The following CCDC178 variants were observed in gnomAD, a reference collection of about 807,000 sequenced individuals.
CCDC178 encodes coiled-coil domain-containing protein 178.
In CCDC178, 126 loss-of-function variants were observed where a neutral mutation model predicts 117.4. The observed-to-expected ratio is 1.07, with a 90% confidence interval of 0.93 to 1.24. The LOEUF (loss-of-function observed/expected upper bound fraction) is 1.24, where lower values mean the gene tolerates loss of function less well. Among genes scored for constraint, CCDC178 ranks in the 50% most tolerant of loss-of-function variants. CCDC178 has a pLI of 0.00. For missense variants in CCDC178, 1,030 were observed against 986.9 expected, an observed-to-expected ratio of 1.04 and a Z score of -0.59; for synonymous variants, 283 against 313.4, an observed-to-expected ratio of 0.90 and a Z score of 1.02.
intron 21 of CCDC178, among the ~76,000 whole-genome samples, chr18:33,026,363 GT>G (rs1170849564): frequency 6.6e-6 from 1 of 152,010 alleles, no homozygotes; most frequent in Admixed American, 6.6e-5. Flanking sequence ...GGGAAAGTGA[GT>G]AAAGAATACA....
chr18:33,044,028 T>TACACAC (rs143760952), intron 21 of CCDC178, among the ~76,000 whole-genome samples: 15 of 150,770 alleles, frequency 9.9e-5, no homozygotes, highest in South Asian at 8.4e-4. Flanking sequence ...ACAATATATA[T>TACACAC]ACACACACAC....
chr18:33,220,713 G>T (rs1029318114), intron 18 of CCDC178, among the ~76,000 whole-genome samples: 1 of 152,106 alleles, frequency 6.6e-6, no homozygotes, highest in Non-Finnish European at 1.5e-5. Flanking sequence ...ATTAATAAAT[G>T]ACGTTGATAA....
chr18:33,293,110 A>G, intron 12 of CCDC178, 49 bp downstream of exon 12: 1 of 1,321,990 alleles, frequency 7.6e-7, no homozygotes, highest in Middle Eastern at 2.5e-4. Context: ...TACTATTTAT[A>G]ACTCAAAACA....
intron 6 of CCDC178, among the ~76,000 whole-genome samples, chr18:33,364,831 A>G (rs2063179326): frequency 6.6e-6 from 1 of 151,014 alleles, no homozygotes; most frequent in Non-Finnish European, 1.5e-5. Context: ...ACAGACTACT[A>G]GAAAAATTTC....
chr18:33,293,344 C>A (rs762968731), intron 11 of CCDC178, 32 bp from the exon 12 acceptor site: 5 of 1,302,986 alleles, frequency 3.8e-6, no homozygotes, highest in Admixed American at 4.3e-5. Context: ...ATTTTATTCA[C>A]ATTAAAAGAA....
At chr18:33,315,803 A>G (rs2062406492) in intron 11 of CCDC178, among the ~76,000 whole-genome samples, 1 of 152,266 alleles carries the variant, frequency 6.6e-6, no homozygotes, top group Non-Finnish European at 1.5e-5. Context: ...TTTACTAAAC[A>G]GACCCAGATT....
intron 6 of CCDC178, among the ~76,000 whole-genome samples, chr18:33,357,001 T>C (rs1188692613): frequency 6.7e-6 from 1 of 148,952 alleles, no homozygotes; most frequent in Admixed American, 6.6e-5. Flanking sequence ...ACAAGAACTT[T>C]GGCTTTTTTT....
chr18:33,142,070 A>G (rs2058212804), intron 20 of CCDC178, among the ~76,000 whole-genome samples: 1 of 152,178 alleles, frequency 6.6e-6, no homozygotes, highest in Non-Finnish European at 1.5e-5. Context: ...CTATAGTTAA[A>G]TAGGTGTTTG....
At position 33,056,829 on chromosome 18, in the gene CCDC178, T is replaced by C. The variant is rs539584207; in HGVS notation, c.2388+35932A>G. Among the ~76,000 whole-genome samples the C allele has an allele frequency of 2.0e-5, 3 of 152,252 alleles. No homozygotes were observed. The East Asian group carries it at 5.8e-4, about 29-fold the overall frequency. On this transcript the variant is annotated intron_variant, in intron 21 of 22. Transcript: ENST00000383096. ...CGTATTGTGAGTATACTTTTCCAGTTTATAGACCATTATGTGCAGGATGAG... is the reference window on the plus strand; with the variant it reads ...CGTATTGTGAGTATACTTTTCCAGTCTATAGACCATTATGTGCAGGATGAG...
intron 21 of CCDC178, among the ~76,000 whole-genome samples, chr18:33,020,542 G>C (rs1406004813): frequency 6.6e-6 from 1 of 152,058 alleles, no homozygotes; most frequent in Non-Finnish European, 1.5e-5. Flanking sequence ...AGCCCACTTT[G>C]CTTTTGTTTT....
chr18:33,102,478 G>T (rs1180137601), intron 20 of CCDC178, among the ~76,000 whole-genome samples: 1 of 149,886 alleles, frequency 6.7e-6, no homozygotes, highest in Non-Finnish European at 1.5e-5. Context: ...TTCAGGGTCA[G>T]AAAACATTAG....
intron 2 of CCDC178, among the ~76,000 whole-genome samples, chr18:33,414,748 T>C (rs915059268): frequency 6.6e-6 from 1 of 152,186 alleles, no homozygotes; most frequent in African/African-American, 2.4e-5. Flanking sequence ...GAAACTACCA[T>C]CAGAGTGAAC....
chr18:33,282,111 G>T (rs933920126), intron 12 of CCDC178, among the ~76,000 whole-genome samples: 1 of 152,110 alleles, frequency 6.6e-6, no homozygotes, highest in Non-Finnish European at 1.5e-5. Context: ...TATCACATAT[G>T]GGGGGCTCAT....
At chr18:33,344,855 A>T (rs1434382206) in intron 9 of CCDC178, among the ~76,000 whole-genome samples, 1 of 119,354 alleles carries the variant, frequency 8.4e-6, no homozygotes, top group Non-Finnish European at 1.8e-5. Flanking sequence ...ACACACACAC[A>T]TATATTTATA....
Position 33,033,609 on chromosome 18 carries a change from A to C in CCDC178, c.2389-58928T>G, listed in dbSNP as rs144028959. ...TTCCCAACTTAAAATAAAAGAAAGC[A>C]AAGACATAACTCCCTTCAACCTAGA... On this transcript the variant is annotated intron_variant, in intron 21 of 22. Coordinates refer to ENST00000383096, the MANE Select transcript of CCDC178 (RefSeq NM_001105528.4). Among the ~76,000 whole-genome samples, 582 of 152,192 alleles carry C rather than the reference A, an allele frequency of 3.8e-3. 1 individual carries two copies. The highest frequency in any genetic ancestry group is 7.2e-3 in the South Asian group (35 of 4,828).
chr18:33,178,126 TG>T (rs2058685776), intron 20 of CCDC178, among the ~76,000 whole-genome samples: 2 of 152,228 alleles, frequency 1.3e-5, no homozygotes, highest in Admixed American at 1.3e-4. Flanking sequence ...TCTGCTTAGA[TG>T]GGACAGACAA....
At chr18:33,208,704 A>G (rs539776111) in intron 20 of CCDC178, among the ~76,000 whole-genome samples, 34 of 152,252 alleles carry the variant, frequency 2.2e-4, no homozygotes, top group Non-Finnish European at 1.5e-4. Context: ...TTACTATTCC[A>G]GTACCTGGTG....
chr18:33,066,012 C>T (rs528049621), intron 21 of CCDC178, among the ~76,000 whole-genome samples: 60 of 152,004 alleles, frequency 3.9e-4, no homozygotes, highest in Non-Finnish European at 7.1e-4. Context: ...CAGGCGCCTG[C>T]CATCACGCCT....
rs143531573 is a variant in CCDC178, at chr18:33,039,379, T to C, written c.2388+53382A>G. Among the ~76,000 whole-genome samples, 9 of 152,096 alleles carry C rather than the reference T, an allele frequency of 5.9e-5. 1 individual carries two copies. The East Asian group carries it at 1.7e-3, about 29-fold the overall frequency. On this transcript the variant is annotated intron_variant, in intron 21 of 22. Coordinates refer to ENST00000383096, the MANE Select transcript of CCDC178 (RefSeq NM_001105528.4). ...AATCATACATAGCTCATGCCTACAG[T>C]GAAATCAGGAGATAGAAAGACTGAA...
Sources: gnomAD v4.1 joint callset for allele counts (sites outside exome capture counted in the v4.1 genomes callset) on GRCh38, gnomAD v4.1.1 for gene constraint, MANE v1.5 for transcripts, NCBI Gene and HGNC (gene_info 2026-07-23, HGNC 2026-07-21) for gene names.